SRCAP: variants seen among roughly 807,000 people sequenced by gnomAD.
SRCAP encodes the protein Snf2 related CREBBP activator protein.
A neutral mutation model predicts 263.1 loss-of-function variants in SRCAP; 46 were observed. The observed-to-expected ratio is 0.17, with a 90% CI of 0.14 to 0.22. The LOEUF (loss-of-function observed/expected upper bound fraction) is 0.22. Among genes scored for constraint, SRCAP ranks in the 10% least tolerant of loss-of-function variants. The pLI is 1.00. For synonymous variants in SRCAP, 1,813 were observed against 1,662.1 expected, an observed-to-expected ratio of 1.09 and a Z score of -2.21; for missense variants, 3,695 against 4,181.9, an observed-to-expected ratio of 0.88 and a Z score of 3.21.
chr16:30,740,008 C>G lies in SRCAP; in HGVS notation c.*275C>G. On this transcript the variant is annotated 3_prime_UTR_variant, in exon 34 of 34. Transcript: ENST00000262518. Reference sequence around the variant, plus strand: ...CACCCCCTTGTACTTGATTCCCCAGCTGTCTTTCACACAGCCCCCCACCCT... The same window carrying G: ...CACCCCCTTGTACTTGATTCCCCAGGTGTCTTTCACACAGCCCCCCACCCT... 1 of 347,904 alleles carries G rather than the reference C, an allele frequency of 2.9e-6. No individual in the cohort carries two copies. Among genetic ancestry groups the G allele is most frequent in the Non-Finnish European group, 5.1e-6 (1 of 197,194 alleles). 21.6% of individuals were successfully genotyped at this position (347,904 alleles called of 1,614,324 possible). A position where few individuals can be genotyped will look rare whatever the true frequency, so the allele number is the denominator to read the frequency against.
At chr16:30,715,333 A>T (rs2052936874) in intron 16 of SRCAP, among the ~76,000 whole-genome samples, 1 of 152,132 alleles carries the variant, frequency 6.6e-6, no homozygotes, top group Non-Finnish European at 1.5e-5. Context: ...TGGGAGGCTG[A>T]GGCAGGCGGA....
In SRCAP at chr16:30,724,015, T is replaced by G; in HGVS notation, c.4591T>G (p.Ser1531Ala). 1 of 1,614,048 alleles carries G rather than the reference T, an allele frequency of 6.2e-7. No individual in the cohort carries two copies. The highest frequency in any genetic ancestry group is 8.5e-7 in the Non-Finnish European group (1 of 1,180,016). The stretch of plus-strand genomic sequence containing the variant: ...TCACCCTCTGTTGTTGGCTCCCACC[T>G]CTTCACATGTTCCAGGGTTGAACTC... The part of the protein sequence containing the change: ...PGHPLLLAPT[S>A]SHVPGLNSTV... Residue 1531 changes from serine (S) to alanine (A), a missense_variant, in exon 25 of 34, where the codon TCT becomes GCT. Ser to Ala is a moderately conservative substitution (Grantham distance 99). Transcript: ENST00000262518.
At chr16:30,712,926 T>C in intron 14 of SRCAP, 111 bp downstream of exon 14, 1 of 1,352,910 alleles carries the variant, frequency 7.4e-7, no homozygotes, top group Non-Finnish European at 9.9e-7. Flanking sequence ...AAAAATTTTT[T>C]AATTTTTTGT....
intron 9 of SRCAP, 73 bp from the exon 10 acceptor site, chr16:30,710,926 T>C (rs2052883782): frequency 6.3e-7 from 1 of 1,598,968 alleles, no homozygotes; most frequent in Non-Finnish European, 8.6e-7. Flanking sequence ...GGCTTTCTCA[T>C]CTGTTTCATT....
At chr16:30,727,553 CTTGT>C (rs772457393) in intron 25 of SRCAP, among the ~76,000 whole-genome samples, 6 of 151,966 alleles carry the variant, frequency 3.9e-5, no homozygotes, top group African/African-American at 1.2e-4. Context: ...TGCCAGGCTA[CTTGT>C]TTGTTTCTTT....
chr16:30,713,797 G>A, intron 16 of SRCAP, 86 bp downstream of exon 16: 1 of 1,304,254 alleles, frequency 7.7e-7, no homozygotes. Context: ...AAACCCTTGG[G>A]GAGAGGGAAG....
chr16:30,728,923 C>G, intron 25 of SRCAP, 43 bp from the exon 26 acceptor site: 1 of 1,575,170 alleles, frequency 6.3e-7, no homozygotes, highest in Non-Finnish European at 8.6e-7. Flanking sequence ...TTGATGTGGA[C>G]TCTGAGGGTG....
At chr16:30,722,502 C>T (rs2053020501) in intron 22 of SRCAP, 61 bp from the exon 23 acceptor site, 5 of 1,588,608 alleles carry the variant, frequency 3.1e-6, no homozygotes, top group South Asian at 2.2e-5. Context: ...TCTTGCCTTG[C>T]CTCTGCCCTC....
At chr16:30,736,949 C>T (rs1352906100) in intron 33 of SRCAP, 100 bp from the exon 34 acceptor site, 13 of 1,329,980 alleles carry the variant, frequency 9.8e-6, no homozygotes, top group South Asian at 7.1e-5. Context: ...GCTGGAATTA[C>T]AGGCGTGAGC....
chr16:30,711,555 T>G lies in SRCAP; in HGVS notation c.1319-16T>G. On this transcript the variant is annotated splice_polypyrimidine_tract_variant and intron_variant, in intron 10 of 33. Coordinates refer to ENST00000262518, the MANE Select transcript of SRCAP (RefSeq NM_006662.3). ...CTCCCCTCAGAGCAACCAAAAGCTT[T>G]TTGTTTCTCTTCCAGGTGAGCTTTC... 1 of 1,568,706 alleles carries G rather than the reference T, an allele frequency of 6.4e-7. No homozygotes were observed. The highest frequency in any genetic ancestry group is 8.6e-7 in the Non-Finnish European group (1 of 1,160,788).
chr16:30,716,747 T>C (rs1215507092), intron 18 of SRCAP, among the ~76,000 whole-genome samples: 2 of 152,204 alleles, frequency 1.3e-5, no homozygotes, highest in Non-Finnish European at 2.9e-5. Context: ...TTTTACTTTT[T>C]GATGGGCTTA....
rs149090781 is a variant in SRCAP, at chr16:30,723,630, C to T, written c.4206C>T (p.His1402=). 23 of 1,613,442 alleles carry T rather than the reference C, an allele frequency of 1.4e-5. No individual in the cohort carries two copies. The highest frequency in any genetic ancestry group is 1.6e-4 in the Middle Eastern group (1 of 6,084). ...CCTTGACCATCTCTTCTCCTCTCCA[C>T]GTGCCATCCTCCCTCCCTGGGCCAG... is the stretch of plus-strand genomic sequence containing the variant. ...AAPLTISSPL[H]VPSSLPGPAS... Residue 1402 remains histidine, a synonymous_variant, in exon 25 of 34, where the codon CAC becomes CAT. Coordinates refer to ENST00000262518, the MANE Select transcript of SRCAP (RefSeq NM_006662.3).
In SRCAP at chr16:30,724,880, A is replaced by G. The variant is rs751864490; in HGVS notation, c.5456A>G (p.Gln1819Arg). Residue 1819 changes from glutamine (Q) to arginine (R), a missense_variant, in exon 25 of 34, where the codon CAG becomes CGG. Coordinates refer to ENST00000262518, the MANE Select transcript of SRCAP (RefSeq NM_006662.3). ...GCCTCCACACAGTCCCCAGCTTCCC[A>G]GGCATCTTCCCTTGTGGTTTCGGCA... Reference protein sequence around the residue: ...APASTQSPASQASSLVVSASG... With the variant: ...APASTQSPASRASSLVVSASG... 6 of 1,614,020 alleles carry G rather than the reference A, an allele frequency of 3.7e-6. No individual in the cohort carries two copies. Among genetic ancestry groups the G allele is most frequent in the Non-Finnish European group, 5.1e-6 (6 of 1,180,034 alleles).
chr16:30,702,451 C>T (rs2052776684), intron 3 of SRCAP, among the ~76,000 whole-genome samples: 1 of 151,740 alleles, frequency 6.6e-6, no homozygotes, highest in Admixed American at 6.6e-5. Context: ...TTAGGCTGGT[C>T]TCAAACTCCT....
intron 4 of SRCAP, among the ~76,000 whole-genome samples, chr16:30,705,164 G>A (rs2052812720): frequency 6.6e-6 from 1 of 152,140 alleles, no homozygotes; most frequent in African/African-American, 2.4e-5. Flanking sequence ...AGCCTGGCGT[G>A]GTGGCGCAGG....
At chr16:30,723,350 G>A (rs926402863) in intron 24 of SRCAP, 121 bp downstream of exon 24, 5 of 1,449,694 alleles carry the variant, frequency 3.4e-6, no homozygotes, top group African/African-American at 2.9e-5. Flanking sequence ...TTGATTTGTA[G>A]TGGGCCCCAG....
Position 30,713,345 on chromosome 16 carries a change from A to C in SRCAP, c.2268A>C (p.Ser756=), listed in dbSNP as rs778750468. 32 of 1,614,044 alleles carry C rather than the reference A, an allele frequency of 2.0e-5. No individual in the cohort carries two copies. Among genetic ancestry groups the C allele is most frequent in the South Asian group, 1.8e-4 (16 of 91,088 alleles). The change falls in exon 15 of 34, where the codon TCA becomes TCC. Residue 756 remains serine (S), a synonymous_variant. Transcript: ENST00000262518. ...DEAQNIKNFK[S]QRWQSLLNFN... is the part of the protein sequence containing the mutation. The stretch of plus-strand genomic sequence containing the variant: ...CGCAGAACATCAAGAACTTCAAGTC[A>C]CAGCGCTGGCAGTCACTCCTCAACT...
In SRCAP at chr16:30,735,567, C is replaced by CTTTTTT. The variant is rs10663863; in HGVS notation, c.6730-616_6730-611dup. Among the ~76,000 whole-genome samples the CTTTTTT allele has an allele frequency of 8.5e-4, 59 of 69,582 alleles. 2 individuals are homozygous for CTTTTTT. The highest frequency in any genetic ancestry group is 1.1e-3 in the Admixed American group (5 of 4,402). 45.6% of individuals were successfully genotyped at this position (69,582 alleles called of 152,430 possible). On this transcript the variant is annotated intron_variant, in intron 31 of 33. Coordinates refer to ENST00000262518, the MANE Select transcript of SRCAP (RefSeq NM_006662.3). Reference sequence around the variant, plus strand: ...AAAATAATTGCAGTTTTTGACATTACTTTTTTTTTTTTTTTTTTTTTTGGA... The same window carrying CTTTTTT: ...AAAATAATTGCAGTTTTTGACATTACTTTTTTTTTTTTTTTTTTTTTTTTTTTTGGA...
At chr16:30,736,940 C>CT in intron 33 of SRCAP, 109 bp from the exon 34 acceptor site, 3 of 1,268,910 alleles carry the variant, frequency 2.4e-6, no homozygotes, top group Non-Finnish European at 3.3e-6. Flanking sequence ...TCCCCAAGTG[C>CT]TGGAATTACA....
Sources: allele counts gnomAD v4.1 joint callset (sites outside exome capture counted in the v4.1 genomes callset), GRCh38; gene constraint gnomAD v4.1.1; transcripts MANE v1.5; gene names NCBI Gene and HGNC (gene_info 2026-07-23, HGNC 2026-07-21).